The following ADK variants were observed in gnomAD, a reference collection of about 807,000 sequenced individuals.
The protein encoded by ADK is adenosine kinase.
Under a neutral mutation model 44.7 loss-of-function variants are expected in ADK, and 24 were observed. That is an observed-to-expected ratio of 0.54 (90% CI 0.39 to 0.76). The LOEUF is 0.76. ADK is among the 30% of genes least tolerant of loss of function. The probability of loss-of-function intolerance (pLI) is 0.00; values close to 1 mark genes in which losing one functional copy is unlikely to be tolerated. For synonymous variants in ADK, 128 were observed against 142.6 expected, an observed-to-expected ratio of 0.90 and a Z score of 0.73; for missense variants, 321 against 425.1, an observed-to-expected ratio of 0.76 and a Z score of 2.15.
intron 9 of ADK, among the ~76,000 whole-genome samples, chr10:74,643,270 A>G (rs968047900): frequency 1.3e-5 from 2 of 152,182 alleles, no homozygotes; most frequent in African/African-American, 2.4e-5. Context: ...TATAAACCCT[A>G]AATTGTTAGA....
chr10:74,422,094 A>G (rs1441916186), intron 6 of ADK, among the ~76,000 whole-genome samples: 2 of 152,182 alleles, frequency 1.3e-5, no homozygotes, highest in African/African-American at 4.8e-5. Context: ...TGACTTGACT[A>G]TTTCCATTGG....
chr10:74,487,432 T>C (rs117405844), intron 6 of ADK, among the ~76,000 whole-genome samples: 25 of 152,174 alleles, frequency 1.6e-4, no homozygotes, highest in Admixed American at 6.5e-4. Flanking sequence ...TTAAAATCTT[T>C]ATTATTTATT....
chr10:74,637,980 T>A (rs1853676273), intron 9 of ADK, among the ~76,000 whole-genome samples: 1 of 152,206 alleles, frequency 6.6e-6, no homozygotes. Flanking sequence ...TCGATAAAGA[T>A]GTTAGCAAAG....
At chr10:74,508,361 A>T (rs1848165967) in intron 6 of ADK, 1 of 152,234 alleles carries the variant, frequency 6.6e-6, no homozygotes, top group African/African-American at 2.4e-5. Flanking sequence ...CAGTTGTAAC[A>T]TAAAACTCAC....
At chr10:74,325,434 A>C (rs1840972432) in intron 4 of ADK, among the ~76,000 whole-genome samples, 1 of 152,198 alleles carries the variant, frequency 6.6e-6, no homozygotes, top group African/African-American at 2.4e-5. Flanking sequence ...TTCAAACAAG[A>C]ACAATTTAAT....
chr10:74,610,790 A>AACT (rs1407093588), intron 9 of ADK, among the ~76,000 whole-genome samples: 2 of 152,042 alleles, frequency 1.3e-5, no homozygotes, highest in Non-Finnish European at 2.9e-5. Context: ...GTTGGAGAGC[A>AACT]ACTACTAATG....
intron 3 of ADK, among the ~76,000 whole-genome samples, chr10:74,262,164 C>T (rs1846060926): frequency 6.6e-6 from 1 of 151,894 alleles, no homozygotes; most frequent in Non-Finnish European, 1.5e-5. Flanking sequence ...ACTAAAAGTA[C>T]AAAAATTAGC....
At chr10:74,542,747 T>C (rs1189839462) in intron 7 of ADK, among the ~76,000 whole-genome samples, 1 of 152,156 alleles carries the variant, frequency 6.6e-6, no homozygotes, top group Non-Finnish European at 1.5e-5. Context: ...CATATTTTAC[T>C]GTATCTTCTT....
At chr10:74,374,834 A>G (rs1417178770) in intron 4 of ADK, among the ~76,000 whole-genome samples, 1 of 152,122 alleles carries the variant, frequency 6.6e-6, no homozygotes, top group African/African-American at 2.4e-5. Flanking sequence ...ACTTCAAGAA[A>G]CAGCATATCT....
At chr10:74,415,527 A>G (rs1215612454) in intron 6 of ADK, among the ~76,000 whole-genome samples, 1 of 152,180 alleles carries the variant, frequency 6.6e-6, no homozygotes, top group Non-Finnish European at 1.5e-5. Flanking sequence ...GTTTAATATG[A>G]TTTACCCCAC....
At chr10:74,329,277 A>C (rs1252054291) in intron 4 of ADK, among the ~76,000 whole-genome samples, 1 of 152,144 alleles carries the variant, frequency 6.6e-6, no homozygotes, top group Non-Finnish European at 1.5e-5. Flanking sequence ...GGGATAACAA[A>C]GTAAAAAACC....
intron 1 of ADK, among the ~76,000 whole-genome samples, chr10:74,190,358 C>T (rs1842918499): frequency 2.0e-5 from 3 of 152,208 alleles, no homozygotes; most frequent in Admixed American, 2.0e-4. Flanking sequence ...TGCCGAGCTT[C>T]ATGCTCAGTC....
At chr10:74,405,075 A>G (rs887560821) in intron 6 of ADK, among the ~76,000 whole-genome samples, 3 of 151,816 alleles carry the variant, frequency 2.0e-5, no homozygotes, top group South Asian at 2.1e-4. Flanking sequence ...TTCTTTCTCT[A>G]TGTTTTATTT....
chr10:74,350,309 A>C (rs1841921761), intron 4 of ADK, among the ~76,000 whole-genome samples: 1 of 152,212 alleles, frequency 6.6e-6, no homozygotes, highest in Admixed American at 6.5e-5. Flanking sequence ...CCTGCTCCTG[A>C]ATGAATATTG....
At chr10:74,557,456 TC>T (rs1286768308) in intron 7 of ADK, among the ~76,000 whole-genome samples, 1 of 152,214 alleles carries the variant, frequency 6.6e-6, no homozygotes, top group East Asian at 1.9e-4. Context: ...ATTTCTTTTT[TC>T]TAGGTCATTG....
intron 2 of ADK, among the ~76,000 whole-genome samples, chr10:74,208,073 C>T (rs1040695538): frequency 1.3e-5 from 2 of 152,246 alleles, no homozygotes; most frequent in African/African-American, 4.8e-5. Flanking sequence ...GTGACAGTGC[C>T]TGGGCTTGGC....
chr10:74,583,093 CAT>C (rs1851423390), intron 7 of ADK, among the ~76,000 whole-genome samples: 1 of 151,992 alleles, frequency 6.6e-6, no homozygotes, highest in South Asian at 2.1e-4. Flanking sequence ...TGATAGATAA[CAT>C]AAAGTAAAGG....
Position 74,583,343 on chromosome 10 carries a change from T to C in ADK, c.727-5939T>C, listed in dbSNP as rs114928592. 1.5e-3 allele frequency among the ~76,000 whole-genome samples: 233 copies of C among 152,322 alleles called. 1 individual carries two copies. The highest frequency in any genetic ancestry group is 5.0e-3 in the African/African-American group (209 of 41,568). On this transcript the variant is annotated intron_variant, in intron 7 of 10. Transcript: ENST00000539909. ...ATTCTAGCACTATTTAATACTCTTA[T>C]TTTAGTGTCAGAAACAATCATTGCT...
chr10:74,186,207 C>CTTCCCTTCCCTTCCT (rs1564579487), intron 1 of ADK, among the ~76,000 whole-genome samples: 5 of 137,120 alleles, frequency 3.6e-5, no homozygotes, highest in African/African-American at 1.1e-4. Context: ...CTTCCCTTCC[C>CTTCCCTTCCCTTCCT]TTCCCTTCCT....
Sources: gnomAD v4.1 joint callset for allele counts (sites outside exome capture counted in the v4.1 genomes callset) on GRCh38, gnomAD v4.1.1 for gene constraint, MANE v1.5 for transcripts, NCBI Gene and HGNC (gene_info 2026-07-23, HGNC 2026-07-21) for gene names.